The following LCP1 variants were observed in gnomAD, a reference collection of about 807,000 sequenced individuals.
LCP1 encodes the protein lymphocyte cytosolic protein 1.
Under a neutral mutation model 72.0 loss-of-function variants are expected in LCP1, and 23 were observed. The ratio of observed to expected loss-of-function variants is 0.32; its 90% CI spans 0.23 to 0.45. The LOEUF is 0.45. Among genes scored for constraint, LCP1 ranks in the 20% least tolerant of loss-of-function variants. The pLI, the probability that LCP1 is intolerant of heterozygous loss-of-function variation, is 1.00. For synonymous variants in LCP1, 245 were observed against 275.4 expected, an observed-to-expected ratio of 0.89 and a Z score of 1.09; for missense variants, 571 against 748.3, an observed-to-expected ratio of 0.76 and a Z score of 2.76.
intron 1 of LCP1, among the ~76,000 whole-genome samples, chr13:46,163,853 T>C (rs2045861315): frequency 6.6e-6 from 1 of 152,212 alleles, no homozygotes; most frequent in Admixed American, 6.5e-5. Flanking sequence ...TTGGCTTAGG[T>C]CTCTTCTATA....
At chr13:46,172,855 G>T (rs965528181) in intron 1 of LCP1, among the ~76,000 whole-genome samples, 2 of 152,196 alleles carry the variant, frequency 1.3e-5, no homozygotes, top group Non-Finnish European at 2.9e-5. Flanking sequence ...ATGTTAGAAT[G>T]GGGAAATAGG....
Position 46,154,802 on chromosome 13 carries a change from T to C in LCP1, c.573+3A>G, listed in dbSNP as rs1176489845. The stretch of plus-strand genomic sequence containing the variant: ...GTATTATGGTAACGGTGGGAAGACA[T>C]ACCTGAATGGTGAAAGGGGTTAGCT... On this transcript the variant is annotated splice_donor_region_variant and intron_variant, in intron 6 of 15. Coordinates refer to ENST00000323076, the MANE Select transcript of LCP1 (RefSeq NM_002298.5). 1.2e-6 allele frequency: 2 copies of C among 1,611,108 alleles called. No homozygotes were observed. The highest frequency in any genetic ancestry group is 8.5e-7 in the Non-Finnish European group (1 of 1,177,286).
In LCP1 at chr13:46,182,150, G is replaced by A. The variant is rs1190886786; in HGVS notation, c.-64C>T. On this transcript the variant is annotated 5_prime_UTR_variant, in exon 1 of 16. Transcript: ENST00000323076. Reference sequence around the variant, plus strand: ...GCTGTCCTTGGTAGTACTGGTGTATGACCAGGAACCCCTTCTTTCTGATCT... The same window carrying A: ...GCTGTCCTTGGTAGTACTGGTGTATAACCAGGAACCCCTTCTTTCTGATCT... The A allele has an allele frequency of 1.3e-5, 2 of 152,222 alleles. No homozygotes were observed. Among genetic ancestry groups the A allele is most frequent in the African/African-American group, 4.8e-5 (2 of 41,436 alleles). The allele number at this position is 152,222 out of a possible 1,614,324, so 9.4% of individuals were successfully genotyped here.
chr13:46,134,329 T>C, intron 13 of LCP1, 79 bp from the exon 14 acceptor site: 58 of 1,299,252 alleles, frequency 4.5e-5, no homozygotes, highest in Non-Finnish European at 6.0e-5. Flanking sequence ...AAGGATGGAA[T>C]TTTTTTTTCG....
At chr13:46,176,617 A>G (rs754982252) in intron 1 of LCP1, among the ~76,000 whole-genome samples, 2 of 152,180 alleles carry the variant, frequency 1.3e-5, no homozygotes, top group Non-Finnish European at 1.5e-5. Flanking sequence ...CAGACTGAGG[A>G]AACAAAATGC....
chr13:46,130,446 C>G (rs1360231618), intron 15 of LCP1, among the ~76,000 whole-genome samples: 2 of 152,242 alleles, frequency 1.3e-5, no homozygotes, highest in African/African-American at 4.8e-5. Flanking sequence ...GGCTTTCACA[C>G]TGGCAAAGGC....
intron 5 of LCP1, among the ~76,000 whole-genome samples, chr13:46,156,204 C>G (rs554359849): frequency 6.6e-6 from 1 of 152,214 alleles, no homozygotes; most frequent in Admixed American, 6.5e-5. Flanking sequence ...CCATGTTTAT[C>G]TCTATAATGT....
At chr13:46,179,989 C>T (rs886998198) in intron 1 of LCP1, among the ~76,000 whole-genome samples, 2 of 150,916 alleles carry the variant, frequency 1.3e-5, no homozygotes, top group African/African-American at 2.4e-5. Flanking sequence ...TCTCTCTCTT[C>T]TTTCTCTTGC....
In LCP1 at chr13:46,142,403, A is replaced by G; in HGVS notation, c.1391T>C (p.Val464Ala). Residue 464 changes from valine (V) to alanine (A), a missense_variant, in exon 13 of 16, where the codon GTA becomes GCA. Coordinates refer to ENST00000323076, the MANE Select transcript of LCP1 (RefSeq NM_002298.5). ...CTTCGCTTGATTCTTCCCCAATTCT[A>G]CCGCGTAGTTACAATTCTCAAGCTG... ...MKKLENCNYAVELGKNQAKFS... is the reference protein window; with the variant it reads ...MKKLENCNYAAELGKNQAKFS... 6.2e-7 allele frequency: 1 copy of G among 1,613,826 alleles called. No homozygotes were observed. Among genetic ancestry groups the G allele is most frequent in the Non-Finnish European group, 8.5e-7 (1 of 1,179,808 alleles).
rs1304199185 is a variant in LCP1 at position 46,144,312 on chromosome 13, G to C, written c.1253+130C>G. The C allele has an allele frequency of 1.2e-5, 8 of 679,480 alleles. No individual in the cohort carries two copies. In the East Asian group the frequency reaches 2.1e-4, roughly 18 times the overall value. The allele number at this position is 679,480 out of a possible 1,614,324, so 42.1% of individuals were successfully genotyped here. ...ATATCCAACATCTGAAGCTCAACTT[G>C]GCACTTTTTCCCCTTCCAGCAAGGT... On this transcript the variant is annotated intron_variant, in intron 11 of 15. Transcript: ENST00000323076.
At chr13:46,153,473 G>T (rs117322683) in intron 6 of LCP1, among the ~76,000 whole-genome samples, 1,771 of 152,178 alleles carry the variant, frequency 0.012, 32 homozygotes, top group East Asian at 0.083. Flanking sequence ...GGTCAAGGCG[G>T]GTGGATCACC....
intron 1 of LCP1, among the ~76,000 whole-genome samples, chr13:46,163,204 A>G (rs1313480467): frequency 2.0e-5 from 3 of 152,278 alleles, no homozygotes; most frequent in Non-Finnish European, 4.4e-5. Flanking sequence ...AAAGGGGGAA[A>G]TGTGGGGAAA....
rs372131536 is a variant in LCP1, at chr13:46,147,132, G to A, written c.979-29C>T. On this transcript the variant is annotated intron_variant, in intron 9 of 15. Transcript: ENST00000323076. ...CAATGCAAAAGGATGTCTCAGGGCTGGGTCAAGGCTCTCCATGCACAAAGC... is the reference window on the plus strand; with the variant it reads ...CAATGCAAAAGGATGTCTCAGGGCTAGGTCAAGGCTCTCCATGCACAAAGC... 8 of 1,529,056 alleles carry A rather than the reference G, an allele frequency of 5.2e-6. No homozygotes were observed. The African/African-American group carries it at 9.8e-5, about 19-fold the overall frequency. 94.7% of individuals were successfully genotyped at this position (1,529,056 alleles called of 1,614,324 possible). A position where few individuals can be genotyped will look rare whatever the true frequency, so the allele number is the denominator to read the frequency against.
rs2045803163 is a variant in LCP1, at chr13:46,156,654, A to T, written c.359-84T>A. 3.5e-6 allele frequency: 5 copies of T among 1,423,410 alleles called. No homozygotes were observed. The East Asian group carries it at 1.1e-4, about 32-fold the overall frequency. 88.2% of individuals were successfully genotyped at this position (1,423,410 alleles called of 1,614,324 possible). ...TTATGCATGTGGATCTTAAATTCTC[A>T]TTCCCAGCAGAGAGATGTGAGTTTA... On this transcript the variant is annotated intron_variant, in intron 4 of 15. Transcript: ENST00000323076.
At chr13:46,170,416 C>G (rs1253100262) in intron 1 of LCP1, among the ~76,000 whole-genome samples, 3 of 152,218 alleles carry the variant, frequency 2.0e-5, no homozygotes, top group Non-Finnish European at 2.9e-5. Flanking sequence ...GGCTTCTTGG[C>G]ACTGTTGCTG....
In LCP1 at chr13:46,146,918, C is replaced by T. The variant is rs756178290; in HGVS notation, c.1164G>A (p.Gly388=). The change falls in exon 10 of 16, where the codon GGG becomes GGA. Residue 388 remains glycine, a synonymous_variant. Transcript: ENST00000323076. The part of the protein sequence containing the change: ...HKPENQDIDW[G]ALEGETREER... ...ATCGTTTACAGTTACCTTCAAGAGC[C>T]CCCCAGTCAATGTCCTGGTTCTCTG... 4.3e-6 allele frequency: 7 copies of T among 1,614,068 alleles called. No individual in the cohort carries two copies. The Admixed American group carries it at 8.3e-5, about 19-fold the overall frequency.
intron 13 of LCP1, 125 bp from the exon 14 acceptor site, chr13:46,134,375 T>A: frequency 1.3e-6 from 1 of 756,262 alleles, no homozygotes; most frequent in Non-Finnish European, 2.1e-6. Flanking sequence ...CACCATTACA[T>A]TTGAGAGAAA....
At position 46,127,655 on chromosome 13, in the gene LCP1, A is replaced by C; in HGVS notation, c.1820T>G (p.Val607Gly). The C allele has an allele frequency of 6.2e-7, 1 of 1,614,158 alleles. No homozygotes were observed. The highest frequency in any genetic ancestry group is 1.1e-5 in the South Asian group (1 of 91,086). Reference sequence around the variant, plus strand: ...CACGGTCATGACCATTTTGGGGTTCACTTCAACCAGGTCTTCTGGCAGGGC... The same window carrying C: ...CACGGTCATGACCATTTTGGGGTTCCCTTCAACCAGGTCTTCTGGCAGGGC... ...VYALPEDLVE[V>G]NPKMVMTVFA... Residue 607 changes from valine to glycine, a missense_variant, in exon 16 of 16, where the codon GTG (valine) becomes GGG (glycine). Val to Gly is a moderately radical substitution (Grantham distance 109). Coordinates refer to ENST00000323076, the MANE Select transcript of LCP1 (RefSeq NM_002298.5).
At chr13:46,171,076 T>G (rs1029549039) in intron 1 of LCP1, among the ~76,000 whole-genome samples, 1 of 152,170 alleles carries the variant, frequency 6.6e-6, no homozygotes, top group African/African-American at 2.4e-5. Flanking sequence ...AAAGAACAAA[T>G]GAAAAGACCA....
Sources: gnomAD v4.1 joint callset for allele counts (sites outside exome capture counted in the v4.1 genomes callset) on GRCh38, gnomAD v4.1.1 for gene constraint, MANE v1.5 for transcripts, NCBI Gene and HGNC (gene_info 2026-07-23, HGNC 2026-07-21) for gene names.